Variants in KLHL1 observed in about 807,000 individuals in gnomAD.
KLHL1 encodes kelch-like protein 1.
Under a neutral mutation model 77.7 loss-of-function variants are expected in KLHL1, and 47 were observed. That is an observed-to-expected ratio of 0.60 (90% CI 0.48 to 0.77). The LOEUF (loss-of-function observed/expected upper bound fraction) is 0.77. KLHL1 is among the 30% of genes least tolerant of loss of function. KLHL1 has a pLI of 0.00. For missense variants in KLHL1, 925 were observed against 910.8 expected (o/e 1.02, Z -0.20); for synonymous variants, 360 against 325.2 (o/e 1.11, Z -1.15).
chr13:69,856,138 A>G (rs974549194), intron 5 of KLHL1, among the ~76,000 whole-genome samples: 26 of 151,786 alleles, frequency 1.7e-4, no homozygotes, highest in African/African-American at 6.0e-4. Context: ...CAACTTTGGA[A>G]GCTAGAGATA....
rs889841071 is a variant in KLHL1 at position 70,096,777 on chromosome 13, T to C, written c.497+10426A>G. Among the ~76,000 whole-genome samples the C allele has an allele frequency of 3.9e-5, 6 of 152,078 alleles. No homozygotes were observed. In the South Asian group the frequency reaches 1.0e-3, roughly 26 times the overall value. On this transcript the variant is annotated intron_variant, in intron 1 of 10. Coordinates refer to ENST00000377844, the MANE Select transcript of KLHL1 (RefSeq NM_020866.3). ...ACACTATTCTGTGATTGTTTCCAGA[T>C]AGTCTTAAAGGAGAGAAATCACAAC...
chr13:69,703,818 T>C (rs1875509129), intron 10 of KLHL1, among the ~76,000 whole-genome samples: 1 of 151,656 alleles, frequency 6.6e-6, no homozygotes, highest in Non-Finnish European at 1.5e-5. Context: ...CTAGGAGCAA[T>C]AGGTTATATC....
intron 6 of KLHL1, among the ~76,000 whole-genome samples, chr13:69,808,808 A>G (rs973305680): frequency 6.6e-6 from 1 of 152,160 alleles, no homozygotes; most frequent in African/African-American, 2.4e-5. Flanking sequence ...GAAATTCAAC[A>G]CAAAGAAGCT....
chr13:69,933,720 C>A (rs1291123328), intron 4 of KLHL1, among the ~76,000 whole-genome samples: 1 of 152,014 alleles, frequency 6.6e-6, no homozygotes, highest in Non-Finnish European at 1.5e-5. Flanking sequence ...CTTAGTGCCA[C>A]CGTCTCTGCC....
chr13:69,970,045 T>A (rs766473400), intron 2 of KLHL1, among the ~76,000 whole-genome samples: 22 of 152,184 alleles, frequency 1.4e-4, no homozygotes, highest in Non-Finnish European at 2.8e-4. Context: ...TATCCCAGCT[T>A]ACCTCTGATT....
intron 1 of KLHL1, among the ~76,000 whole-genome samples, chr13:70,094,177 T>C (rs1157184162): frequency 1.3e-5 from 2 of 151,764 alleles, no homozygotes; most frequent in Non-Finnish European, 2.9e-5. Context: ...ATCTAAACTT[T>C]ATGTAAGCCA....
intron 7 of KLHL1, among the ~76,000 whole-genome samples, chr13:69,745,607 A>G (rs1874175672): frequency 6.6e-6 from 1 of 152,044 alleles, no homozygotes; most frequent in Middle Eastern, 3.4e-3. Context: ...CATGACCAAT[A>G]CACAAAAGTC....
intron 7 of KLHL1, among the ~76,000 whole-genome samples, chr13:69,741,415 C>T (rs1475310123): frequency 3.3e-5 from 5 of 151,962 alleles, no homozygotes; most frequent in African/African-American, 1.2e-4. Flanking sequence ...TGAGTTTTAC[C>T]CTATTACCAA....
intron 10 of KLHL1, among the ~76,000 whole-genome samples, chr13:69,702,424 A>G (rs754011672): frequency 4.0e-5 from 6 of 151,768 alleles, no homozygotes; most frequent in Non-Finnish European, 7.4e-5. Context: ...CTTTGGAGAC[A>G]AGCCAACATT....
At chr13:69,746,583 TCTTA>T (rs1280137082) in intron 7 of KLHL1, among the ~76,000 whole-genome samples, 2 of 152,068 alleles carry the variant, frequency 1.3e-5, no homozygotes, top group Admixed American at 6.6e-5. Flanking sequence ...TTTAATATTT[TCTTA>T]CTTGTTTAAT....
chr13:70,063,317 T>A (rs954473055), intron 1 of KLHL1, among the ~76,000 whole-genome samples: 6 of 152,120 alleles, frequency 3.9e-5, no homozygotes, highest in Non-Finnish European at 8.8e-5. Flanking sequence ...GAATAACAAG[T>A]GCATAATTTT....
chr13:69,777,085 T>A (rs974649271), intron 7 of KLHL1, among the ~76,000 whole-genome samples: 2 of 152,050 alleles, frequency 1.3e-5, no homozygotes, highest in African/African-American at 4.8e-5. Context: ...GCTGTTCTCA[T>A]GATAGTAAGT....
chr13:69,932,967 G>T (rs1404680441), intron 4 of KLHL1, among the ~76,000 whole-genome samples: 1 of 151,782 alleles, frequency 6.6e-6, no homozygotes, highest in Non-Finnish European at 1.5e-5. Context: ...CTAATTCAGG[G>T]ACAAAGAATG....
chr13:70,029,130 T>C (rs1178225916), intron 1 of KLHL1, among the ~76,000 whole-genome samples: 1 of 152,178 alleles, frequency 6.6e-6, no homozygotes, highest in Non-Finnish European at 1.5e-5. Context: ...AGTGTGTGTA[T>C]GTGTGTTTGT....
At chr13:69,822,113 C>T (rs1029304277) in intron 6 of KLHL1, among the ~76,000 whole-genome samples, 2 of 149,684 alleles carry the variant, frequency 1.3e-5, no homozygotes, top group East Asian at 2.0e-4. Flanking sequence ...GCAGGAGAAT[C>T]GCTTGAACCC....
chr13:69,964,265 C>T (rs906402559), intron 2 of KLHL1, among the ~76,000 whole-genome samples: 2 of 152,104 alleles, frequency 1.3e-5, no homozygotes, highest in Non-Finnish European at 2.9e-5. Context: ...TGGTCTGGAG[C>T]TACTGGCCTT....
chr13:69,855,559 C>T (rs575057517), intron 5 of KLHL1, among the ~76,000 whole-genome samples: 1 of 151,522 alleles, frequency 6.6e-6, no homozygotes, highest in East Asian at 2.0e-4. Context: ...ATCTTGGGGG[C>T]GGTTTTTCTG....
At chr13:69,967,361 G>T (rs1884243335) in intron 2 of KLHL1, among the ~76,000 whole-genome samples, 1 of 152,126 alleles carries the variant, frequency 6.6e-6, no homozygotes, top group African/African-American at 2.4e-5. Context: ...ACTTTGAAGG[G>T]TTTAAGACAT....
chr13:70,086,029 T>G (rs1182386008), intron 1 of KLHL1, among the ~76,000 whole-genome samples: 1 of 152,148 alleles, frequency 6.6e-6, no homozygotes, highest in Admixed American at 6.5e-5. Flanking sequence ...TTATTTCTAC[T>G]AATAGGAATA....
Sources: gnomAD v4.1 joint callset for allele counts (sites outside exome capture counted in the v4.1 genomes callset) on GRCh38, gnomAD v4.1.1 for gene constraint, MANE v1.5 for transcripts, NCBI Gene and HGNC (gene_info 2026-07-23, HGNC 2026-07-21) for gene names.